Variants in AUNIP observed in about 807,000 individuals in gnomAD.
AUNIP encodes aurora kinase A and ninein interacting protein.
AUNIP carries 16 observed loss-of-function variants against 12.2 expected under a neutral mutation model. The ratio of observed to expected loss-of-function variants is 1.31; its 90% CI spans 0.88 to 1.99. The LOEUF (loss-of-function observed/expected upper bound fraction) is 1.99, where lower values mean the gene tolerates loss of function less well. AUNIP is among the 30% of genes most tolerant of loss of function. AUNIP has a pLI of 0.00. For synonymous variants in AUNIP, 142 were observed against 154.8 expected (o/e 0.92, Z 0.61); for missense variants, 411 against 419.1 (o/e 0.98, Z 0.17).
rs568591672 is a variant in AUNIP, at chr1:25,849,244, T to G, written c.78+10036A>C. On this transcript the variant is annotated intron_variant, in intron 1 of 2. Coordinates refer to ENST00000374298, the MANE Select transcript of AUNIP (RefSeq NM_024037.3). Reference sequence around the variant, plus strand: ...CCACAAAGCGTCTTTCTTTTCATTTTAACAGCTTTATTAATAGAGATACAA... The same window carrying G: ...CCACAAAGCGTCTTTCTTTTCATTTGAACAGCTTTATTAATAGAGATACAA... 3.2e-4 allele frequency among the ~76,000 whole-genome samples: 48 copies of G among 152,354 alleles called. 1 individual carries two copies. The highest frequency in any genetic ancestry group is 1.1e-3 in the African/African-American group (44 of 41,584).
intron 1 of AUNIP, among the ~76,000 whole-genome samples, chr1:25,840,920 A>G (rs2048343373): frequency 6.6e-6 from 1 of 152,224 alleles, no homozygotes. Flanking sequence ...TGCTCCAGTA[A>G]AGTTTATAGC....
intron 1 of AUNIP, among the ~76,000 whole-genome samples, chr1:25,853,919 T>C (rs1266107598): frequency 6.6e-6 from 1 of 152,128 alleles, no homozygotes; most frequent in East Asian, 1.9e-4. Flanking sequence ...ATTCTATTCA[T>C]TAGAAGCAAG....
In AUNIP at chr1:25,857,009, G is replaced by A. The variant is rs372398870; in HGVS notation, c.78+2271C>T. On this transcript the variant is annotated intron_variant, in intron 1 of 2. Transcript: ENST00000374298. Reference sequence around the variant, plus strand: ...ACTATGCCTGTAGTCCCAGCTACTCGGGAGGATGAGGCAAGAGGATCACCT... The same window carrying A: ...ACTATGCCTGTAGTCCCAGCTACTCAGGAGGATGAGGCAAGAGGATCACCT... Among the ~76,000 whole-genome samples the A allele has an allele frequency of 2.4e-4, 37 of 152,074 alleles. 1 individual carries two copies. In the South Asian group the frequency reaches 5.6e-3, roughly 23 times the overall value.
chr1:25,836,172 C>T (rs915465136), intron 2 of AUNIP, among the ~76,000 whole-genome samples: 4 of 152,178 alleles, frequency 2.6e-5, no homozygotes, highest in East Asian at 1.9e-4. Flanking sequence ...GTTTAACATA[C>T]GGCACATCAG....
At position 25,837,441 on chromosome 1, in the gene AUNIP, G is replaced by A; in HGVS notation, c.192C>T (p.Ser64=). ...RAPSTGIHQR[S]IASFFTLQPG... ...GCTGCAAGGTGAAGAAGGAAGCAAT[G>A]CTTCTCTGGTGAATGCCTGTAGATG... The change falls in exon 2 of 3, where the codon AGC becomes AGT. Residue 64 remains serine (S), a synonymous_variant. Transcript: ENST00000374298. 1 of 1,613,970 alleles carries A rather than the reference G, an allele frequency of 6.2e-7. No homozygotes were observed. Among genetic ancestry groups the A allele is most frequent in the African/African-American group, 1.3e-5 (1 of 75,036 alleles).
At chr1:25,857,872 CAAT>C (rs1218496084) in intron 1 of AUNIP, among the ~76,000 whole-genome samples, 2 of 150,138 alleles carry the variant, frequency 1.3e-5, no homozygotes, top group Non-Finnish European at 3.0e-5. Context: ...TCAAAAATAA[CAAT>C]AATAATAATA....
downstream of AUNIP, chr1:25,832,318 C>T: frequency 1.2e-6 from 1 of 809,844 alleles, no homozygotes; most frequent in Non-Finnish European, 1.9e-6. Flanking sequence ...TTTTCCTTGC[C>T]CCTGTGTGAA....
chr1:25,859,297 TCAG>T lies in AUNIP; in HGVS notation c.58_60del (p.Leu20del). On this transcript the variant is annotated inframe_deletion, in exon 1 of 3. Coordinates refer to ENST00000374298, the MANE Select transcript of AUNIP (RefSeq NM_024037.3). ...CGTCCCACCTGCACTTTCCGCCTCTTCAGCGCCGCCGCGTCCAGCCACACGCCG... is the reference window on the plus strand; with the variant it reads ...CGTCCCACCTGCACTTTCCGCCTCTTCGCCGCCGCGTCCAGCCACACGCCG... 1 of 1,576,564 alleles carries T rather than the reference TCAG, an allele frequency of 6.3e-7. No individual in the cohort carries two copies. The highest frequency in any genetic ancestry group is 1.2e-5 in the South Asian group (1 of 85,926).
rs116847703 is a variant in AUNIP, at chr1:25,840,296, T to C, written c.79-2742A>G. Among the ~76,000 whole-genome samples the C allele has an allele frequency of 5.4e-4, 82 of 151,994 alleles. 1 individual carries two copies. The East Asian group carries it at 0.014, about 26-fold the overall frequency. ...CTACAGAAGAAAATAACAGTGAACC[T>C]GAAGACAATAGTAACACAAACTATA... On this transcript the variant is annotated intron_variant, in intron 1 of 2. Coordinates refer to ENST00000374298, the MANE Select transcript of AUNIP (RefSeq NM_024037.3).
At position 25,859,394 on chromosome 1, in the gene AUNIP, C is replaced by T. The variant is rs1005005999; in HGVS notation, c.-37G>A. ...AGACGAAGCCGGCAGGACGCCGGCG[C>T]AGGCTCCCGGCGCCTCAGGGAACGC... On this transcript the variant is annotated 5_prime_UTR_variant, in exon 1 of 3. Coordinates refer to ENST00000374298, the MANE Select transcript of AUNIP (RefSeq NM_024037.3). 1 of 1,477,050 alleles carries T rather than the reference C, an allele frequency of 6.8e-7. No individual in the cohort carries two copies. The highest frequency in any genetic ancestry group is 8.9e-7 in the Non-Finnish European group (1 of 1,122,668). The allele number at this position is 1,477,050 out of a possible 1,614,324, so 91.5% of individuals were successfully genotyped here.
intron 1 of AUNIP, among the ~76,000 whole-genome samples, chr1:25,851,154 C>T (rs2048421607): frequency 6.6e-6 from 1 of 152,172 alleles, no homozygotes; most frequent in South Asian, 2.1e-4. Context: ...GTCTTTTATG[C>T]TATTAGTATG....
rs1200397883 is a variant in AUNIP at position 25,835,216 on chromosome 1, C to T, written c.851G>A (p.Trp284Ter). 1 of 1,614,188 alleles carries T rather than the reference C, an allele frequency of 6.2e-7. No individual in the cohort carries two copies. Among genetic ancestry groups the T allele is most frequent in the Non-Finnish European group, 8.5e-7 (1 of 1,180,036 alleles). Residue 284 changes from tryptophan (W) to a stop codon, truncating the protein, a stop_gained, in exon 3 of 3, where the codon TGG becomes TAG. Transcript: ENST00000374298. LOFTEE classifies it high-confidence loss of function. ...WDNEKNDKDS[W>*]SQLFTEDSQG... The stretch of plus-strand genomic sequence containing the variant: ...AGAATCTTCAGTGAAAAGTTGACTC[C>T]AGGAGTCCTTGTCATTCTTTTCATT...
intron 1 of AUNIP, among the ~76,000 whole-genome samples, chr1:25,853,992 C>T (rs192950495): frequency 6.6e-6 from 1 of 152,080 alleles, no homozygotes; most frequent in Non-Finnish European, 1.5e-5. Context: ...AGGTAGATCA[C>T]CTGAGGTCAG....
rs147839303 is a variant in AUNIP at position 25,834,337 on chromosome 1, TG to T, written c.*655del. The T allele has an allele frequency of 6.8e-3, 6,703 of 985,254 alleles. 342 individuals carry two copies. The African/African-American group carries it at 0.11, about 16-fold the overall frequency. 61.0% of individuals were successfully genotyped at this position (985,254 alleles called of 1,614,324 possible). A position where few individuals can be genotyped will look rare whatever the true frequency, so the allele number is the denominator to read the frequency against. The stretch of plus-strand genomic sequence containing the variant: ...GAGATTAAAAGCTCACACATCTGGC[TG>T]GGCGCGGTGGCTTATGCCTGTAATC... On this transcript the variant is annotated 3_prime_UTR_variant, in exon 3 of 3. Coordinates refer to ENST00000374298, the MANE Select transcript of AUNIP (RefSeq NM_024037.3).
chr1:25,835,858 G>C lies in AUNIP; in HGVS notation c.221-12C>G. The C allele has an allele frequency of 6.2e-7, 1 of 1,610,072 alleles. No homozygotes were observed. The highest frequency in any genetic ancestry group is 1.1e-5 in the South Asian group (1 of 90,868). Reference sequence around the variant, plus strand: ...GCCATTTGTCTTTCCTAATAAAACAGGAATGAACAAATATTATTCTGCAGA... The same window carrying C: ...GCCATTTGTCTTTCCTAATAAAACACGAATGAACAAATATTATTCTGCAGA... On this transcript the variant is annotated splice_polypyrimidine_tract_variant and intron_variant, in intron 2 of 2. Coordinates refer to ENST00000374298, the MANE Select transcript of AUNIP (RefSeq NM_024037.3).
At chr1:25,838,434 C>T (rs1311926842) in intron 1 of AUNIP, among the ~76,000 whole-genome samples, 3 of 151,490 alleles carry the variant, frequency 2.0e-5, no homozygotes, top group East Asian at 1.9e-4. Flanking sequence ...ACCAGGGAGG[C>T]GGAGGTTGCA....
rs1022857456 is a variant in AUNIP, at chr1:25,836,825, G to A, written c.220+588C>T. 1.2e-4 allele frequency among the ~76,000 whole-genome samples: 18 copies of A among 152,228 alleles called. No homozygotes were observed. In the East Asian group the frequency reaches 2.9e-3, roughly 24 times the overall value. The stretch of plus-strand genomic sequence containing the variant: ...TTGAAGGTTTAGGCAAAGCAATCCT[G>A]AGAATCACACCCGGCATTAGAGCAC... On this transcript the variant is annotated intron_variant, in intron 2 of 2. Transcript: ENST00000374298.
chr1:25,849,585 T>C (rs968281905), intron 1 of AUNIP, among the ~76,000 whole-genome samples: 2 of 152,214 alleles, frequency 1.3e-5, no homozygotes, highest in Non-Finnish European at 2.9e-5. Context: ...TACTTCACTC[T>C]TTTTTATTGC....
chr1:25,832,445 G>C (rs2048258149), downstream of AUNIP: 1 of 441,258 alleles, frequency 2.3e-6, no homozygotes, highest in South Asian at 2.4e-5. Flanking sequence ...AGGGCTGAGG[G>C]GAAGGGGCTA....
Sources: allele counts gnomAD v4.1 joint callset (sites outside exome capture counted in the v4.1 genomes callset), GRCh38; gene constraint gnomAD v4.1.1; transcripts MANE v1.5; gene names NCBI Gene and HGNC (gene_info 2026-07-23, HGNC 2026-07-21).